The following ADAMTSL1 variants were observed in gnomAD, a reference collection of about 807,000 sequenced individuals.
ADAMTSL1 encodes the protein ADAMTS-like protein 1.
In ADAMTSL1, 126 loss-of-function variants were observed where a neutral mutation model predicts 201.8. The ratio of observed to expected loss-of-function variants is 0.62; its 90% CI spans 0.54 to 0.72. The LOEUF (loss-of-function observed/expected upper bound fraction) is 0.72. ADAMTSL1 is among the 30% of genes least tolerant of loss of function. The pLI, the probability that ADAMTSL1 is intolerant of heterozygous loss-of-function variation, is 0.00. For missense variants in ADAMTSL1, 2,679 were observed against 2,277.8 expected, an observed-to-expected ratio of 1.18 and a Z score of -3.59; for synonymous variants, 1,121 against 903.4, an observed-to-expected ratio of 1.24 and a Z score of -4.32.
chr9:18,099,702 A>G (rs1224524281), intron 1 of ADAMTSL1, among the ~76,000 whole-genome samples: 7 of 146,104 alleles, frequency 4.8e-5, no homozygotes, highest in African/African-American at 1.5e-4. Context: ...CAGTGGCGCA[A>G]TCTTGGCTCA....
intron 4 of ADAMTSL1, among the ~76,000 whole-genome samples, chr9:18,583,984 A>G (rs565340619): frequency 6.6e-6 from 1 of 152,324 alleles, no homozygotes; most frequent in Non-Finnish European, 1.5e-5. Context: ...TTTGTCTCAG[A>G]TGAGACGATG....
intron 2 of ADAMTSL1, among the ~76,000 whole-genome samples, chr9:18,529,693 T>C (rs888734615): frequency 2.6e-5 from 4 of 152,188 alleles, no homozygotes; most frequent in African/African-American, 9.6e-5. Context: ...TCTGTTATAG[T>C]TCACAATTTG....
intron 1 of ADAMTSL1, among the ~76,000 whole-genome samples, chr9:18,477,840 A>G (rs1821530651): frequency 6.6e-6 from 1 of 152,132 alleles, no homozygotes; most frequent in African/African-American, 2.4e-5. Flanking sequence ...TCTGGCCCCC[A>G]TTATTATTTT....
At chr9:18,220,915 C>T (rs144482132) in intron 2 of ADAMTSL1, among the ~76,000 whole-genome samples, 2,049 of 152,008 alleles carry the variant, frequency 0.013, 28 homozygotes, top group African/African-American at 0.038. Flanking sequence ...GCTGGGACTA[C>T]GAGCCTCTGC....
chr9:18,872,622 AT>A (rs1165112951), intron 23 of ADAMTSL1, among the ~76,000 whole-genome samples: 1 of 152,206 alleles, frequency 6.6e-6, no homozygotes, highest in East Asian at 1.9e-4. Context: ...TTCGCTTAGA[AT>A]AGTGGTCTCC....
intron 2 of ADAMTSL1, among the ~76,000 whole-genome samples, chr9:18,526,313 G>C (rs1233899674): frequency 6.6e-6 from 1 of 152,088 alleles, no homozygotes; most frequent in African/African-American, 2.4e-5. Flanking sequence ...CCATCCCTTT[G>C]TTTTGAGCCT....
At chr9:18,229,630 A>T (rs1387867340) in intron 2 of ADAMTSL1, among the ~76,000 whole-genome samples, 1 of 152,062 alleles carries the variant, frequency 6.6e-6, no homozygotes, top group Non-Finnish European at 1.5e-5. Flanking sequence ...AAAGCTACCA[A>T]GTCTCTTCCA....
intron 19 of ADAMTSL1, among the ~76,000 whole-genome samples, chr9:18,787,571 G>T (rs1470720984): frequency 6.6e-6 from 1 of 152,054 alleles, no homozygotes; most frequent in East Asian, 1.9e-4. Flanking sequence ...AACCAGAAAT[G>T]AAAATTTTTC....
chr9:18,431,198 G>A (rs969841295), intron 2 of ADAMTSL1, among the ~76,000 whole-genome samples: 4 of 152,158 alleles, frequency 2.6e-5, no homozygotes, highest in Admixed American at 2.0e-4. Context: ...GACCAGCTCA[G>A]GTTCAGAAAT....
At chr9:18,417,010 A>G (rs961253044) in intron 2 of ADAMTSL1, among the ~76,000 whole-genome samples, 3 of 151,990 alleles carry the variant, frequency 2.0e-5, no homozygotes, top group Non-Finnish European at 4.4e-5. Context: ...AATAGACTGT[A>G]TTCTGGGCCA....
chr9:18,652,034 C>G (rs1264981474), intron 7 of ADAMTSL1, among the ~76,000 whole-genome samples: 2 of 151,974 alleles, frequency 1.3e-5, no homozygotes, highest in African/African-American at 4.8e-5. Flanking sequence ...ACTAGATAGA[C>G]AGTTTTGAAA....
intron 1 of ADAMTSL1, among the ~76,000 whole-genome samples, chr9:17,925,905 C>T (rs972305468): frequency 6.6e-5 from 10 of 151,390 alleles, no homozygotes; most frequent in Non-Finnish European, 1.5e-5. Context: ...TGACACTTGA[C>T]GAAATGGAGA....
At chr9:18,542,722 G>T (rs534867091) in intron 3 of ADAMTSL1, among the ~76,000 whole-genome samples, 25 of 152,150 alleles carry the variant, frequency 1.6e-4, no homozygotes, top group South Asian at 6.2e-4. Flanking sequence ...CCCAGTCTGT[G>T]GTATTTTCTT....
chr9:18,667,950 G>T (rs1247730112), intron 9 of ADAMTSL1, among the ~76,000 whole-genome samples: 1 of 151,930 alleles, frequency 6.6e-6, no homozygotes, highest in African/African-American at 2.4e-5. Flanking sequence ...TGAAGTCTCA[G>T]TTCACAAGTG....
At chr9:17,973,807 T>G (rs1395733675) in intron 1 of ADAMTSL1, among the ~76,000 whole-genome samples, 1 of 149,870 alleles carries the variant, frequency 6.7e-6, no homozygotes, top group Non-Finnish European at 1.5e-5. Context: ...GCATGGAATG[T>G]TCTTCCATTT....
At chr9:18,387,982 C>T (rs929860514) in intron 2 of ADAMTSL1, among the ~76,000 whole-genome samples, 8 of 128,772 alleles carry the variant, frequency 6.2e-5, no homozygotes, top group African/African-American at 2.0e-4. Flanking sequence ...ATTGCTGTAC[C>T]TTTCTGATGA....
chr9:18,617,680 A>C (rs1825780903), intron 4 of ADAMTSL1, among the ~76,000 whole-genome samples: 1 of 152,206 alleles, frequency 6.6e-6, no homozygotes, highest in Admixed American at 6.5e-5. Flanking sequence ...CATACATTTA[A>C]GATATGAAAG....
intron 3 of ADAMTSL1, among the ~76,000 whole-genome samples, chr9:18,560,777 T>C (rs1471751255): frequency 1.3e-5 from 2 of 152,138 alleles, no homozygotes; most frequent in East Asian, 3.9e-4. Flanking sequence ...TTCTAGATTT[T>C]CTAGTTTATT....
chr9:18,376,001 A>G (rs1362434895), intron 2 of ADAMTSL1, among the ~76,000 whole-genome samples: 1 of 152,198 alleles, frequency 6.6e-6, no homozygotes, highest in African/African-American at 2.4e-5. Context: ...TCCTAGCTAC[A>G]GAGTGCTGAT....
Sources: gnomAD v4.1 joint callset for allele counts (sites outside exome capture counted in the v4.1 genomes callset) on GRCh38, gnomAD v4.1.1 for gene constraint, MANE v1.5 for transcripts, NCBI Gene and HGNC (gene_info 2026-07-23, HGNC 2026-07-21) for gene names.